ASIC2: variants seen among roughly 807,000 people sequenced by gnomAD.
ASIC2 encodes acid sensing ion channel subunit 2.
Under a neutral mutation model 57.3 loss-of-function variants are expected in ASIC2, and 25 were observed. That is an observed-to-expected ratio of 0.44 (90% CI 0.32 to 0.61). The LOEUF (loss-of-function observed/expected upper bound fraction) is 0.61, where lower values mean the gene tolerates loss of function less well. Among genes scored for constraint, ASIC2 ranks in the 20% least tolerant of loss-of-function variants. The pLI is 0.06. For missense variants in ASIC2, 641 were observed against 738.1 expected, an observed-to-expected ratio of 0.87 and a Z score of 1.52; for synonymous variants, 319 against 307.5, an observed-to-expected ratio of 1.04 and a Z score of -0.39.
Position 33,884,889 on chromosome 17 carries a change from T to G in ASIC2, c.555+271089A>C, listed in dbSNP as rs549786427. Among the ~76,000 whole-genome samples, 33 of 152,318 alleles carry G rather than the reference T, an allele frequency of 2.2e-4. 1 individual carries two copies. The South Asian group carries it at 6.4e-3, about 30-fold the overall frequency. ...TGCATTCAGTAAATGTTGTGTTGAA[T>G]GAAGAAAGCATTATCATTACTTGGG... On this transcript the variant is annotated intron_variant, in intron 1 of 9. Coordinates refer to the ASIC2 transcript ENST00000359872.
chr17:34,077,611 A>AT (rs1178708272), intron 1 of ASIC2, among the ~76,000 whole-genome samples: 2 of 152,100 alleles, frequency 1.3e-5, no homozygotes, highest in South Asian at 2.1e-4. Context: ...TAGGGGAAGG[A>AT]TTTTTTTCCT....
intron 1 of ASIC2, among the ~76,000 whole-genome samples, chr17:34,097,197 C>A (rs146381032): frequency 6.6e-6 from 1 of 152,266 alleles, no homozygotes; most frequent in African/African-American, 2.4e-5. Context: ...CTTTTAGACG[C>A]TATAAGGATG....
At chr17:33,215,702 T>C (rs897817383) in intron 1 of ASIC2, among the ~76,000 whole-genome samples, 3 of 149,472 alleles carry the variant, frequency 2.0e-5, no homozygotes, top group Non-Finnish European at 4.5e-5. Flanking sequence ...AATATACATG[T>C]GGCTTTTTTT....
At chr17:33,967,511 A>C (rs1338180606) in intron 1 of ASIC2, among the ~76,000 whole-genome samples, 1 of 152,228 alleles carries the variant, frequency 6.6e-6, no homozygotes, top group Middle Eastern at 3.2e-3. Flanking sequence ...CCAGGATTAC[A>C]GGTATAAGCC....
intron 1 of ASIC2, among the ~76,000 whole-genome samples, chr17:33,336,653 C>T (rs190835447): frequency 8.5e-4 from 129 of 152,186 alleles, no homozygotes; most frequent in Non-Finnish European, 1.2e-3. Flanking sequence ...AGAGGTTAGG[C>T]GAGTTGCTCA....
At position 34,155,992 on chromosome 17, in the gene ASIC2, G is replaced by A. The variant is rs1904705735; in HGVS notation, c.541C>T (p.Gln181Ter). The A allele has an allele frequency of 1.2e-6, 2 of 1,607,598 alleles. No homozygotes were observed. Among genetic ancestry groups the A allele is most frequent in the Non-Finnish European group, 1.7e-6 (2 of 1,177,218 alleles). ...CAAGTACTCACTGTGGTGAAGTCTT[G>A]GTGGCCGCACTCCTGCCCTTTGAAC... is the stretch of plus-strand genomic sequence containing the variant. The change falls in exon 1 of 10, where the codon CAA becomes TAA. Residue 181 changes from glutamine to a stop codon, truncating the protein, a stop_gained. Transcript: ENST00000359872. LOFTEE classifies it high-confidence loss of function.
intron 1 of ASIC2, among the ~76,000 whole-genome samples, chr17:33,940,261 C>G (rs1475144646): frequency 6.6e-6 from 1 of 152,196 alleles, no homozygotes; most frequent in Non-Finnish European, 1.5e-5. Context: ...CTGGTTCACT[C>G]CATGATTTCT....
intron 1 of ASIC2, among the ~76,000 whole-genome samples, chr17:34,105,791 C>T (rs986101030): frequency 1.3e-5 from 2 of 152,038 alleles, no homozygotes; most frequent in African/African-American, 4.8e-5. Context: ...TTTTCTGAAA[C>T]ATCTGAAGGT....
In ASIC2 at chr17:33,727,195, T is replaced by C. The variant is rs949724259; in HGVS notation, c.555+428783A>G. 2.6e-5 allele frequency among the ~76,000 whole-genome samples: 4 copies of C among 152,248 alleles called. 1 individual carries two copies. The highest frequency in any genetic ancestry group is 9.6e-5 in the African/African-American group (4 of 41,542). ...TCTTATTTTATTAATGAAGAAACTA[T>C]AGCTAAAAAAAGAAGAAATGGCTCA... On this transcript the variant is annotated intron_variant, in intron 1 of 9. Transcript: ENST00000359872.
chr17:33,363,022 C>T (rs1212256754), intron 1 of ASIC2, among the ~76,000 whole-genome samples: 1 of 152,166 alleles, frequency 6.6e-6, no homozygotes, highest in Non-Finnish European at 1.5e-5. Flanking sequence ...AGAATCTTTG[C>T]TTCTATTTCC....
At chr17:34,076,944 C>A (rs1909687741) in intron 1 of ASIC2, among the ~76,000 whole-genome samples, 1 of 152,226 alleles carries the variant, frequency 6.6e-6, no homozygotes, top group African/African-American at 2.4e-5. Context: ...ACAAGATCAG[C>A]ACCTGCCATG....
At chr17:33,350,902 A>T (rs907129014) in intron 1 of ASIC2, among the ~76,000 whole-genome samples, 5 of 152,150 alleles carry the variant, frequency 3.3e-5, no homozygotes, top group African/African-American at 4.8e-5. Flanking sequence ...CTCTTTCCTT[A>T]GAACGATCTC....
intron 1 of ASIC2, among the ~76,000 whole-genome samples, chr17:33,469,027 A>G (rs1275668698): frequency 6.6e-6 from 1 of 152,232 alleles, no homozygotes; most frequent in Non-Finnish European, 1.5e-5. Flanking sequence ...GCCCCAGAGA[A>G]GGGAGGCAGC....
At position 33,997,307 on chromosome 17, in the gene ASIC2, ATTTTTTTT is replaced by A. The variant is rs71147411; in HGVS notation, c.555+158663_555+158670del. On this transcript the variant is annotated intron_variant, in intron 1 of 9. Coordinates refer to the ASIC2 transcript ENST00000359872. ...AGGCACTTTCCACCATGCACGGTTA[ATTTTTTTT>A]TTTTTTTTTTTTTTTTTTTGTAAAG... 2.0e-4 allele frequency among the ~76,000 whole-genome samples: 17 copies of A among 85,792 alleles called. No homozygotes were observed. In the East Asian group the frequency reaches 3.6e-3, roughly 18 times the overall value. 56.3% of individuals were successfully genotyped at this position (85,792 alleles called of 152,430 possible). A position where few individuals can be genotyped will look rare whatever the true frequency, so the allele number is the denominator to read the frequency against.
At chr17:33,255,202 G>C (rs1909022540) in intron 1 of ASIC2, among the ~76,000 whole-genome samples, 1 of 151,580 alleles carries the variant, frequency 6.6e-6, no homozygotes, top group South Asian at 2.1e-4. Context: ...ACCACACTTG[G>C]CTAATTTTTG....
At chr17:33,078,813 A>G (rs1255598489) in intron 3 of ASIC2, among the ~76,000 whole-genome samples, 6 of 152,252 alleles carry the variant, frequency 3.9e-5, no homozygotes, top group Middle Eastern at 3.2e-3. Flanking sequence ...GAACCAGGCT[A>G]GTCTTGTCCA....
At chr17:34,007,607 A>G (rs1906569136) in intron 1 of ASIC2, among the ~76,000 whole-genome samples, 1 of 152,196 alleles carries the variant, frequency 6.6e-6, no homozygotes, top group African/African-American at 2.4e-5. Context: ...TATCACATGG[A>G]ATGCATGGCA....
chr17:33,755,256 G>A (rs1910561018), intron 1 of ASIC2, among the ~76,000 whole-genome samples: 1 of 152,164 alleles, frequency 6.6e-6, no homozygotes, highest in African/African-American at 2.4e-5. Flanking sequence ...GCAAGCAAAT[G>A]GATTCTCTTC....
intron 1 of ASIC2, among the ~76,000 whole-genome samples, chr17:33,231,062 A>C (rs754084079): frequency 1.4e-4 from 22 of 152,168 alleles, no homozygotes; most frequent in Non-Finnish European, 2.8e-4. Context: ...AGCCTAAGAC[A>C]GGGCTCTCTT....
Sources: gnomAD v4.1 joint callset for allele counts (sites outside exome capture counted in the v4.1 genomes callset) on GRCh38, gnomAD v4.1.1 for gene constraint, MANE v1.5 for transcripts, NCBI Gene and HGNC (gene_info 2026-07-23, HGNC 2026-07-21) for gene names.